Variants in VSIR observed in about 807,000 individuals in gnomAD.
VSIR encodes the protein V-set immunoregulatory receptor, also known as V-type immunoglobulin domain-containing suppressor of T-cell activation.
VSIR carries 10 observed loss-of-function variants against 31.0 expected under a neutral mutation model. The ratio of observed to expected loss-of-function variants is 0.32; its 90% confidence interval spans 0.20 to 0.55. The LOEUF is 0.55. Ranked by LOEUF, VSIR falls within the 20% of genes least tolerant of loss-of-function variation. The probability of loss-of-function intolerance (pLI) is 0.93; values close to 1 mark genes in which losing one functional copy is unlikely to be tolerated. For missense variants in VSIR, 356 were observed against 416.2 expected (o/e 0.86, Z 1.26); for synonymous variants, 179 against 180.1 (o/e 0.99, Z 0.05).
At chr10:71,753,282 G>C (rs1261044843) in intron 4 of VSIR, among the ~76,000 whole-genome samples, 1 of 152,230 alleles carries the variant, frequency 6.6e-6, no homozygotes, top group Non-Finnish European at 1.5e-5. Flanking sequence ...GCCATCAGGA[G>C]ACCAAAGGCA....
At chr10:71,766,122 C>T (rs909464310) in intron 1 of VSIR, among the ~76,000 whole-genome samples, 4 of 152,234 alleles carry the variant, frequency 2.6e-5, no homozygotes, top group African/African-American at 9.6e-5. Flanking sequence ...GGAAGCTGTG[C>T]AGCCCGGCTA....
intron 3 of VSIR, among the ~76,000 whole-genome samples, chr10:71,756,964 G>T (rs1386317448): frequency 6.6e-6 from 1 of 152,194 alleles, no homozygotes; most frequent in Non-Finnish European, 1.5e-5. Flanking sequence ...GTACCCACTG[G>T]TACAGGAACA....
intron 4 of VSIR, chr10:71,753,720 A>C: frequency 2.2e-6 from 1 of 456,026 alleles, no homozygotes; most frequent in South Asian, 1.5e-5. Context: ...ATGTCCTCCC[A>C]CAGATGCTTC....
rs377308209 is a variant in VSIR, at chr10:71,748,600, T to G, written c.*2653A>C. The G allele has an allele frequency of 2.0e-5, 3 of 152,386 alleles. No homozygotes were observed. The East Asian group carries it at 5.8e-4, about 29-fold the overall frequency. 9.4% of individuals were successfully genotyped at this position (152,386 alleles called of 1,614,324 possible). A position where few individuals can be genotyped will look rare whatever the true frequency, so the allele number is the denominator to read the frequency against. ...TCCTGATTGATCTCCTAACAATGAATTAGTTCTTAAAAGCATGGATTTCCC... is the reference window on the plus strand; with the variant it reads ...TCCTGATTGATCTCCTAACAATGAAGTAGTTCTTAAAAGCATGGATTTCCC... On this transcript the variant is annotated 3_prime_UTR_variant, in exon 7 of 7. Transcript: ENST00000394957.
intron 1 of VSIR, among the ~76,000 whole-genome samples, chr10:71,764,304 A>G (rs1209678371): frequency 6.6e-6 from 1 of 152,186 alleles, no homozygotes; most frequent in Non-Finnish European, 1.5e-5. Context: ...GCACTGATGA[A>G]GAAACTAAGG....
intron 1 of VSIR, among the ~76,000 whole-genome samples, chr10:71,767,904 C>T (rs1840592681): frequency 1.3e-5 from 2 of 152,160 alleles, no homozygotes; most frequent in South Asian, 4.1e-4. Flanking sequence ...GAGCTGGAGG[C>T]TAGCATGCCT....
rs1564773246 is a variant in VSIR, at chr10:71,749,062, G to C, written c.*2191C>G. 1 of 152,402 alleles carries C rather than the reference G, an allele frequency of 6.6e-6. No individual in the cohort carries two copies. Among genetic ancestry groups the C allele is most frequent in the African/African-American group, 2.4e-5 (1 of 41,460 alleles). The allele number at this position is 152,402 out of a possible 1,614,324, so 9.4% of individuals were successfully genotyped here. ...GGGCCGCCTCCCTCTCCACACAGCA[G>C]CAGCCAGGCCTGGGGTCTGGCAGCC... On this transcript the variant is annotated 3_prime_UTR_variant, in exon 7 of 7. Transcript: ENST00000394957.
intron 1 of VSIR, among the ~76,000 whole-genome samples, chr10:71,768,498 G>C (rs1285222197): frequency 6.6e-6 from 1 of 151,828 alleles, no homozygotes; most frequent in Admixed American, 6.6e-5. Flanking sequence ...TAGTGAGCTA[G>C]GGTCTTGCTC....
chr10:71,771,779 C>T (rs1247684564), intron 1 of VSIR, among the ~76,000 whole-genome samples: 3 of 152,186 alleles, frequency 2.0e-5, no homozygotes, highest in South Asian at 2.1e-4. Flanking sequence ...TAGGGGAAGG[C>T]GTCCTGAGCT....
At chr10:71,755,690 C>T (rs1489284497) in intron 3 of VSIR, among the ~76,000 whole-genome samples, 3 of 152,090 alleles carry the variant, frequency 2.0e-5, no homozygotes, top group Non-Finnish European at 4.4e-5. Flanking sequence ...CACTCAGAAA[C>T]AAGACCTGTC....
At chr10:71,763,300 G>T (rs934227145) in intron 1 of VSIR, among the ~76,000 whole-genome samples, 2 of 152,180 alleles carry the variant, frequency 1.3e-5, no homozygotes, top group African/African-American at 4.8e-5. Flanking sequence ...GACCCACTAC[G>T]CCCGGCCAGT....
Position 71,764,769 on chromosome 10 carries a change from G to A in VSIR, c.83-2743C>T, listed in dbSNP as rs77880594. 2.6e-3 allele frequency among the ~76,000 whole-genome samples: 390 copies of A among 152,268 alleles called. 5 individuals carry two copies. The highest frequency in any genetic ancestry group is 9.2e-3 in the African/African-American group (383 of 41,530). On this transcript the variant is annotated intron_variant, in intron 1 of 6. Transcript: ENST00000394957. ...GTGATGAATGAGTGTGGCTTCTTGG[G>A]CTAGCTGGCATGGGACTCTACTGCC...
At chr10:71,754,312 C>CCG (rs61434590) in intron 4 of VSIR, among the ~76,000 whole-genome samples, 2 of 152,130 alleles carry the variant, frequency 1.3e-5, no homozygotes, top group African/African-American at 4.8e-5. Flanking sequence ...GAGTGACCCA[C>CCG]TATGGGGCTT....
Sources: gnomAD v4.1 joint callset for allele counts (sites outside exome capture counted in the v4.1 genomes callset) on GRCh38, gnomAD v4.1.1 for gene constraint, MANE v1.5 for transcripts, NCBI Gene and HGNC (gene_info 2026-07-23, HGNC 2026-07-21) for gene names.